The following CATSPERG variants were observed in gnomAD, a reference collection of about 807,000 sequenced individuals.
The protein encoded by CATSPERG is catsper channel auxiliary subunit gamma.
CATSPERG carries 115 observed loss-of-function variants against 145.0 expected under a neutral mutation model. The observed-to-expected ratio is 0.79, with a 90% CI of 0.68 to 0.93. The LOEUF is 0.93. Among genes scored for constraint, CATSPERG ranks in the 40% least tolerant of loss-of-function variants. The pLI is 0.00. For synonymous variants in CATSPERG, 588 were observed against 589.0 expected (o/e 1.00, Z 0.02); for missense variants, 1,296 against 1,490.1 (o/e 0.87, Z 2.14).
Position 38,370,740 on chromosome 19 carries a change from CA to C in CATSPERG, c.3429del (p.Glu1144ArgfsTer14). ...RMGSMFSSRM[T>X]EDRAEPKEAV... is the part of the protein sequence containing the mutation. ...GGCTCCATGTTCAGCTCCAGGATGA[CA>C]GAGGACAGGGCTGAACCCAAGGAAG... On this transcript the variant is annotated frameshift_variant, in exon 29 of 29. Transcript: ENST00000409235. LOFTEE classifies it low-confidence loss of function (END_TRUNC). The C allele has an allele frequency of 1.2e-6, 2 of 1,614,094 alleles. No individual in the cohort carries two copies. The highest frequency in any genetic ancestry group is 1.6e-4 in the Middle Eastern group (1 of 6,062).
intron 19 of CATSPERG, 49 bp from the exon 20 acceptor site, chr19:38,362,665 G>T: frequency 6.2e-7 from 1 of 1,604,372 alleles, no homozygotes. Flanking sequence ...TCGGAGGGGC[G>T]GGGCCTGTCT....
intron 22 of CATSPERG, chr19:38,365,634 A>C (rs950661372): frequency 6.4e-6 from 1 of 156,254 alleles, no homozygotes; most frequent in Non-Finnish European, 1.4e-5. Flanking sequence ...CAGGTTGCAC[A>C]CAAACTGGTA....
chr19:38,336,379 G>T (rs1376211301), intron 1 of CATSPERG: 1 of 356,642 alleles, frequency 2.8e-6, no homozygotes, highest in Non-Finnish European at 5.7e-6. Context: ...GGCCCGCGCG[G>T]GAAGAACCAA....
chr19:38,356,376 C>A, intron 9 of CATSPERG, 108 bp from the exon 10 acceptor site: 2 of 908,346 alleles, frequency 2.2e-6, no homozygotes, highest in Non-Finnish European at 3.6e-6. Context: ...GAATGAGATC[C>A]CAAGGACGGA....
Position 38,344,066 on chromosome 19 carries a change from C to A in CATSPERG, c.543C>A (p.Val181=), listed in dbSNP as rs1407248096. Residue 181 remains valine, a synonymous_variant, in exon 5 of 29, where the codon GTC becomes GTA. Transcript: ENST00000409235. ...TGCCCATCAAGAAAGGCAGTGTGGT[C>A]ATGCGTGTGGACATCAGCAGCAATG... ...TPMPIKKGSV[V]MRVDISSNGL... is the part of the protein sequence containing the mutation. 1 of 1,551,460 alleles carries A rather than the reference C, an allele frequency of 6.4e-7. No individual in the cohort carries two copies. The highest frequency in any genetic ancestry group is 1.4e-5 in the African/African-American group (1 of 73,018).
chr19:38,345,671 A>ATT (rs36061443), intron 6 of CATSPERG, among the ~76,000 whole-genome samples: 104 of 141,014 alleles, frequency 7.4e-4, no homozygotes, highest in Middle Eastern at 7.6e-3. Flanking sequence ...CACCCAGCTA[A>ATT]TTTTTTTTTT....
chr19:38,361,599 G>C lies in CATSPERG; in HGVS notation c.1881-49G>C, dbSNP rs1307077575. On this transcript the variant is annotated intron_variant, in intron 16 of 28. Transcript: ENST00000409235. ...AAAGAGGCCTGCGGAAGCTTCCAGT[G>C]CGCGGGGTGCCTTAGAGCCAGCAGC... The C allele has an allele frequency of 4.3e-5, 63 of 1,476,312 alleles. 1 individual carries two copies. Among genetic ancestry groups the C allele is most frequent in the Non-Finnish European group, 5.6e-5 (61 of 1,079,772 alleles). The allele number at this position is 1,476,312 out of a possible 1,614,324, so 91.5% of individuals were successfully genotyped here. A position where few individuals can be genotyped will look rare whatever the true frequency, so the allele number is the denominator to read the frequency against.
rs932157813 is a variant in CATSPERG at position 38,352,257 on chromosome 19, G to A, written c.826-4G>A. 6 of 1,551,092 alleles carry A rather than the reference G, an allele frequency of 3.9e-6. No homozygotes were observed. Among genetic ancestry groups the A allele is most frequent in the African/African-American group, 1.4e-5 (1 of 73,056 alleles). On this transcript the variant is annotated splice_polypyrimidine_tract_variant and splice_region_variant and intron_variant, in intron 7 of 28. Transcript: ENST00000409235. Reference sequence around the variant, plus strand: ...GCTCACCACTAGCCTCTGCTCCCCTGCAGCTGAGCATTGACAGTTGCTGGG... The same window carrying A: ...GCTCACCACTAGCCTCTGCTCCCCTACAGCTGAGCATTGACAGTTGCTGGG...
Position 38,367,243 on chromosome 19 carries a change from C to G in CATSPERG, c.2701C>G (p.Leu901Val). ...DITYTLEYSR[L>V]KNKHYFDCVN... ...CACCTACACGCTGGAATACAGCCGC[C>G]TGAAGAACAAACACTACTTTGACTG... The change falls in exon 23 of 29, where the codon CTG (leucine) becomes GTG (valine). Residue 901 changes from leucine to valine, a missense_variant. Coordinates refer to ENST00000409235, the MANE Select transcript of CATSPERG (RefSeq NM_021185.5). The G allele has an allele frequency of 6.2e-7, 1 of 1,614,026 alleles. No individual in the cohort carries two copies. Among genetic ancestry groups the G allele is most frequent in the Non-Finnish European group, 8.5e-7 (1 of 1,180,024 alleles).
At chr19:38,341,813 G>T (rs910622867) in intron 3 of CATSPERG, among the ~76,000 whole-genome samples, 1 of 152,160 alleles carries the variant, frequency 6.6e-6, no homozygotes, top group East Asian at 1.9e-4. Context: ...GAGGCAGGAC[G>T]ATCGCCTGAA....
At chr19:38,367,969 C>G in intron 25 of CATSPERG, 79 bp from the exon 26 acceptor site, 1 of 1,360,048 alleles carries the variant, frequency 7.4e-7, no homozygotes, top group South Asian at 1.2e-5. Flanking sequence ...CTGTGGCCTC[C>G]CTCCACACTG....
chr19:38,336,703 C>G, intron 1 of CATSPERG: 1 of 247,838 alleles, frequency 4.0e-6, no homozygotes, highest in Non-Finnish European at 8.2e-6. Context: ...CAGGCAGAAG[C>G]AGTACGGGGG....
At chr19:38,359,804 G>C in intron 14 of CATSPERG, 1 of 1,289,746 alleles carries the variant, frequency 7.8e-7, no homozygotes, top group South Asian at 1.7e-5. Flanking sequence ...GTTCAGAGGC[G>C]GCCCTCTTTC....
At chr19:38,368,221 T>C in intron 26 of CATSPERG, 84 bp downstream of exon 26, 4 of 1,164,360 alleles carry the variant, frequency 3.4e-6, no homozygotes, top group Non-Finnish European at 5.1e-6. Flanking sequence ...CTAGGAGGCC[T>C]CTTGATCCCC....
chr19:38,359,412 G>A (rs1333539758), intron 13 of CATSPERG, 58 bp from the exon 14 acceptor site: 1 of 1,111,518 alleles, frequency 9.0e-7, no homozygotes, highest in Non-Finnish European at 1.4e-6. Context: ...TATTAGGCCT[G>A]GGATTGGGGG....
In CATSPERG at chr19:38,342,010, G is replaced by A. The variant is rs1969946071; in HGVS notation, c.325-1570G>A. Among the ~76,000 whole-genome samples the A allele has an allele frequency of 2.0e-5, 3 of 151,588 alleles. No individual in the cohort carries two copies. In the South Asian group the frequency reaches 6.3e-4, roughly 32 times the overall value. The stretch of plus-strand genomic sequence containing the variant: ...AGGATTGCTGAAGTCTGGGAGAGGT[G>A]GAGGTTACAGTGAGCTGTGATGGCA... On this transcript the variant is annotated intron_variant, in intron 3 of 28. Coordinates refer to ENST00000409235, the MANE Select transcript of CATSPERG (RefSeq NM_021185.5).
intron 6 of CATSPERG, 56 bp from the exon 7 acceptor site, chr19:38,346,394 T>C: frequency 6.8e-7 from 1 of 1,461,362 alleles, no homozygotes; most frequent in East Asian, 2.6e-5. Context: ...CTAAATGAGA[T>C]GGAGTCTCAG....
At chr19:38,350,919 G>A (rs1349421540) in intron 7 of CATSPERG, among the ~76,000 whole-genome samples, 2 of 152,172 alleles carry the variant, frequency 1.3e-5, no homozygotes, top group Non-Finnish European at 1.5e-5. Context: ...AACCCGGGAG[G>A]CAGAGGTTGC....
At chr19:38,367,392 T>C in intron 23 of CATSPERG, 80 bp downstream of exon 23, 1 of 1,565,684 alleles carries the variant, frequency 6.4e-7, no homozygotes, top group Non-Finnish European at 8.7e-7. Flanking sequence ...CCCATTCCTC[T>C]CCCCGCAGAC....
Sources: gnomAD v4.1 joint callset for allele counts (sites outside exome capture counted in the v4.1 genomes callset) on GRCh38, gnomAD v4.1.1 for gene constraint, MANE v1.5 for transcripts, NCBI Gene and HGNC (gene_info 2026-07-23, HGNC 2026-07-21) for gene names.